ARIH1: variants seen among roughly 807,000 people sequenced by gnomAD.
ARIH1 encodes ariadne RBR E3 ubiquitin protein ligase 1, also known as E3 ubiquitin-protein ligase ARIH1.
In ARIH1, 8 loss-of-function variants were observed where a neutral mutation model predicts 85.0. That is an observed-to-expected ratio of 0.09 (90% confidence interval 0.06 to 0.17). The LOEUF is 0.17. Among genes scored for constraint, ARIH1 ranks in the 10% least tolerant of loss-of-function variants. The pLI, the probability that ARIH1 is intolerant of heterozygous loss-of-function variation, is 1.00. For missense variants in ARIH1, 311 were observed against 718.1 expected (o/e 0.43, Z 6.48); for synonymous variants, 238 against 253.6 (o/e 0.94, Z 0.59).
chr15:72,509,001 T>A (rs538669500), intron 1 of ARIH1, among the ~76,000 whole-genome samples: 1 of 151,392 alleles, frequency 6.6e-6, no homozygotes, highest in African/African-American at 2.4e-5. Flanking sequence ...GCCCTTTTTT[T>A]TTTTTTTTGA....
intron 1 of ARIH1, among the ~76,000 whole-genome samples, chr15:72,513,529 A>T (rs2063958894): frequency 6.6e-6 from 1 of 152,148 alleles, no homozygotes; most frequent in African/African-American, 2.4e-5. Context: ...TTAAGTGGAG[A>T]AAAATAGTGT....
intron 1 of ARIH1, among the ~76,000 whole-genome samples, chr15:72,482,176 A>G (rs918609416): frequency 1.8e-4 from 27 of 152,178 alleles, no homozygotes; most frequent in African/African-American, 5.8e-4. Context: ...GACATCTGAC[A>G]TTCTAGATTG....
chr15:72,593,291 C>G lies in ARIH1; in HGVS notation c.*9999C>G, dbSNP rs1239067213. ...TATTCTTTGTATTTTGAATATAAAT[C>G]CTTTGATAGATATGCTATGATTTTT... is the stretch of plus-strand genomic sequence containing the variant. On this transcript the variant is annotated 3_prime_UTR_variant, in exon 14 of 14. Coordinates refer to ENST00000379887, the MANE Select transcript of ARIH1 (RefSeq NM_005744.5). The G allele has an allele frequency of 1.3e-5, 2 of 151,964 alleles. No homozygotes were observed. The allele number at this position is 151,964 out of a possible 1,614,324, so 9.4% of individuals were successfully genotyped here.
At chr15:72,563,843 T>TA (rs1451742951) in intron 7 of ARIH1, among the ~76,000 whole-genome samples, 1 of 152,198 alleles carries the variant, frequency 6.6e-6, no homozygotes, top group Non-Finnish European at 1.5e-5. Context: ...ATTTTAACCT[T>TA]ACTTATGCAA....
chr15:72,512,289 A>G (rs2063954114), intron 1 of ARIH1, among the ~76,000 whole-genome samples: 1 of 151,966 alleles, frequency 6.6e-6, no homozygotes, highest in South Asian at 2.1e-4. Flanking sequence ...TTCTTTGTGC[A>G]AGAGAGTTAA....
intron 7 of ARIH1, 40 bp downstream of exon 7, chr15:72,563,540 C>T (rs1306157387): frequency 3.3e-6 from 5 of 1,509,452 alleles, no homozygotes; most frequent in Non-Finnish European, 2.8e-6. Context: ...GTGCACAAAG[C>T]GTTTCCATTT....
intron 11 of ARIH1, among the ~76,000 whole-genome samples, chr15:72,578,531 C>T (rs1230205313): frequency 4.6e-5 from 7 of 151,934 alleles, no homozygotes; most frequent in South Asian, 4.1e-4. Flanking sequence ...TATATTTTAT[C>T]GTAGTAAATC....
chr15:72,513,241 C>T (rs144360661), intron 1 of ARIH1, among the ~76,000 whole-genome samples: 2 of 152,188 alleles, frequency 1.3e-5, no homozygotes, highest in Non-Finnish European at 2.9e-5. Flanking sequence ...TTTTGGATTA[C>T]TTGAAATTTT....
At chr15:72,519,479 T>G (rs1223746996) in intron 2 of ARIH1, among the ~76,000 whole-genome samples, 5 of 124,912 alleles carry the variant, frequency 4.0e-5, no homozygotes, top group Non-Finnish European at 5.0e-5. Context: ...TTTTTTGTTT[T>G]TTTTTTTTTT....
intron 1 of ARIH1, among the ~76,000 whole-genome samples, chr15:72,497,101 A>G (rs1301369941): frequency 5.9e-5 from 9 of 152,258 alleles, no homozygotes; most frequent in Admixed American, 5.9e-4. Flanking sequence ...GGCATTTGCC[A>G]CTGTCTTTAA....
chr15:72,594,811 C>CTTTTTTTTTTTTTTTT lies in ARIH1; in HGVS notation c.*11531_*11546dup, dbSNP rs71137306. 166 of 79,624 alleles carry CTTTTTTTTTTTTTTTT rather than the reference C, an allele frequency of 2.1e-3. 29 individuals are homozygous for CTTTTTTTTTTTTTTTT. The highest frequency in any genetic ancestry group is 8.5e-3 in the African/African-American group (140 of 16,424). The allele number at this position is 79,624 out of a possible 1,614,324, so 4.9% of individuals were successfully genotyped here. A position where few individuals can be genotyped will look rare whatever the true frequency, so the allele number is the denominator to read the frequency against. On this transcript the variant is annotated 3_prime_UTR_variant, in exon 14 of 14. Transcript: ENST00000379887. ...TTTTTCTGATTTTATGCCTTTTCTT[C>CTTTTTTTTTTTTTTTT]TTTTTTTTTTTTTTTTTTTTTTTTT...
Position 72,592,276 on chromosome 15 carries a change from T to A in ARIH1, c.*8984T>A, listed in dbSNP as rs2064346285. 1 of 152,210 alleles carries A rather than the reference T, an allele frequency of 6.6e-6. No individual in the cohort carries two copies. 9.4% of individuals were successfully genotyped at this position (152,210 alleles called of 1,614,324 possible). A position where few individuals can be genotyped will look rare whatever the true frequency, so the allele number is the denominator to read the frequency against. ...CTCTGGGACACTGGATTGTGTGCTC[T>A]TTAAGATAAATTCCATAATCAAGGG... On this transcript the variant is annotated 3_prime_UTR_variant, in exon 14 of 14. Transcript: ENST00000379887.
Position 72,474,958 on chromosome 15 carries a change from G to C in ARIH1, c.319G>C (p.Glu107Gln). The C allele has an allele frequency of 1.3e-6, 2 of 1,558,486 alleles. No individual in the cohort carries two copies. The highest frequency in any genetic ancestry group is 1.7e-6 in the Non-Finnish European group (2 of 1,150,984). ...EDYRYEVLTA[E>Q]QILQHMVECI... is the part of the protein sequence containing the mutation. Reference sequence around the variant, plus strand: ...TTACCGCTACGAGGTGCTCACGGCCGAGCAGATTCTACAACACATGGTGGA... The same window carrying C: ...TTACCGCTACGAGGTGCTCACGGCCCAGCAGATTCTACAACACATGGTGGA... The change falls in exon 1 of 14, where the codon GAG becomes CAG. Residue 107 changes from glutamate (E) to glutamine (Q), a missense_variant. By Grantham distance (29) the Glu-to-Gln change is conservative. Coordinates refer to ENST00000379887, the MANE Select transcript of ARIH1 (RefSeq NM_005744.5).
intron 1 of ARIH1, among the ~76,000 whole-genome samples, chr15:72,501,377 T>C (rs2063902731): frequency 6.6e-6 from 1 of 152,236 alleles, no homozygotes; most frequent in Non-Finnish European, 1.5e-5. Flanking sequence ...CAAAATCTTA[T>C]TTACTGTATA....
chr15:72,478,778 C>A (rs573798476), intron 1 of ARIH1, among the ~76,000 whole-genome samples: 48 of 152,286 alleles, frequency 3.2e-4, no homozygotes, highest in African/African-American at 1.0e-3. Flanking sequence ...TTGACTCAGG[C>A]AGGGTGAGTA....
Position 72,601,076 on chromosome 15 carries a change from T to G in ARIH1, c.*17784T>G, listed in dbSNP as rs1330072710. ...CCTTTAACATCCATTTCCCTTTCCC[T>G]CATTCCCCCATATCCAATCATGTGT... On this transcript the variant is annotated 3_prime_UTR_variant, in exon 14 of 14. Coordinates refer to ENST00000379887, the MANE Select transcript of ARIH1 (RefSeq NM_005744.5). 1 of 152,204 alleles carries G rather than the reference T, an allele frequency of 6.6e-6. No homozygotes were observed. Among genetic ancestry groups the G allele is most frequent in the East Asian group, 1.9e-4 (1 of 5,192 alleles). 9.4% of individuals were successfully genotyped at this position (152,204 alleles called of 1,614,324 possible).
intron 1 of ARIH1, among the ~76,000 whole-genome samples, chr15:72,477,533 G>A (rs1343277507): frequency 6.6e-6 from 1 of 152,118 alleles, no homozygotes. Context: ...ATTTCCTTGG[G>A]AATTTGATTA....
At position 72,595,956 on chromosome 15, in the gene ARIH1, G is replaced by C. The variant is rs1439585333; in HGVS notation, c.*12664G>C. The C allele has an allele frequency of 1.3e-5, 2 of 152,086 alleles. No individual in the cohort carries two copies. The highest frequency in any genetic ancestry group is 4.8e-5 in the African/African-American group (2 of 41,388). 9.4% of individuals were successfully genotyped at this position (152,086 alleles called of 1,614,324 possible). A position where few individuals can be genotyped will look rare whatever the true frequency, so the allele number is the denominator to read the frequency against. Reference sequence around the variant, plus strand: ...CTGCCTCAGCCTCCCAAGTAAGTGGGATTATAGGCACATGTCACCAAGCTC... The same window carrying C: ...CTGCCTCAGCCTCCCAAGTAAGTGGCATTATAGGCACATGTCACCAAGCTC... On this transcript the variant is annotated 3_prime_UTR_variant, in exon 14 of 14. Transcript: ENST00000379887.
At chr15:72,512,367 A>C (rs193260122) in intron 1 of ARIH1, among the ~76,000 whole-genome samples, 6 of 152,120 alleles carry the variant, frequency 3.9e-5, no homozygotes, top group Non-Finnish European at 7.4e-5. Context: ...GAGGTTTAGT[A>C]ATTTGTGTCT....
Sources: allele counts gnomAD v4.1 joint callset (sites outside exome capture counted in the v4.1 genomes callset), GRCh38; gene constraint gnomAD v4.1.1; transcripts MANE v1.5; gene names NCBI Gene and HGNC (gene_info 2026-07-23, HGNC 2026-07-21).